RBM26: variants seen among roughly 807,000 people sequenced by gnomAD.
RBM26 encodes the protein RNA-binding protein 26.
RBM26 carries 30 observed loss-of-function variants against 123.6 expected under a neutral mutation model. That is an observed-to-expected ratio of 0.24 (90% CI 0.18 to 0.33). The LOEUF (loss-of-function observed/expected upper bound fraction) is 0.33, where lower values mean the gene tolerates loss of function less well. Ranked by LOEUF, RBM26 falls within the 10% of genes least tolerant of loss-of-function variation. The probability of loss-of-function intolerance (pLI) is 1.00; values close to 1 mark genes in which losing one functional copy is unlikely to be tolerated. For missense variants in RBM26, 947 were observed against 1,203.6 expected, an observed-to-expected ratio of 0.79 and a Z score of 3.15; for synonymous variants, 400 against 404.4, an observed-to-expected ratio of 0.99 and a Z score of 0.13.
chr13:79,334,199 T>C (rs2069917820), intron 20 of RBM26, 145 bp downstream of exon 20: 4 of 518,326 alleles, frequency 7.7e-6, no homozygotes, highest in Middle Eastern at 5.3e-4. Context: ...GGACATTCTT[T>C]GAGGGCATGA....
chr13:79,361,151 T>TCA (rs1364557440), intron 9 of RBM26, among the ~76,000 whole-genome samples: 4 of 152,154 alleles, frequency 2.6e-5, no homozygotes, highest in Non-Finnish European at 4.4e-5. Flanking sequence ...AGTCTATCTT[T>TCA]TATTTTTCTT....
At chr13:79,371,715 A>G (rs1235276179) in intron 4 of RBM26, 127 bp downstream of exon 4, 5 of 655,294 alleles carry the variant, frequency 7.6e-6, no homozygotes, top group South Asian at 3.9e-5. Context: ...GGACCTAGTT[A>G]TATTTTCCTA....
At chr13:79,389,910 G>C (rs2077800532) in intron 1 of RBM26, among the ~76,000 whole-genome samples, 1 of 152,096 alleles carries the variant, frequency 6.6e-6, no homozygotes, top group Non-Finnish European at 1.5e-5. Flanking sequence ...CCACTGGAAA[G>C]AATAGGAATC....
chr13:79,394,335 A>T (rs746174775), intron 1 of RBM26, among the ~76,000 whole-genome samples: 2 of 152,284 alleles, frequency 1.3e-5, no homozygotes, highest in Middle Eastern at 6.8e-3. Flanking sequence ...TTTTTGAGTT[A>T]GCACCCCTTT....
chr13:79,326,020 C>CA (rs1241437737), intron 20 of RBM26, among the ~76,000 whole-genome samples: 1 of 152,134 alleles, frequency 6.6e-6, no homozygotes, highest in African/African-American at 2.4e-5. Context: ...AGCCTAAGAC[C>CA]AACGGGCTAT....
In RBM26 at chr13:79,349,413, A is replaced by G. The variant is rs537783633; in HGVS notation, c.2058+3740T>C. Among the ~76,000 whole-genome samples the G allele has an allele frequency of 6.6e-5, 10 of 152,320 alleles. 1 individual carries two copies. The South Asian group carries it at 1.9e-3, about 28-fold the overall frequency. ...AGTTCAACTTTTTAAGATTCCACATATAAGTGAAATAGACAAAGGGATTAA... is the reference window on the plus strand; with the variant it reads ...AGTTCAACTTTTTAAGATTCCACATGTAAGTGAAATAGACAAAGGGATTAA... On this transcript the variant is annotated intron_variant, in intron 14 of 21. Coordinates refer to ENST00000438737, the MANE Select transcript of RBM26 (RefSeq NM_001366735.2).
At chr13:79,333,982 C>T (rs986896339) in intron 20 of RBM26, among the ~76,000 whole-genome samples, 2 of 152,020 alleles carry the variant, frequency 1.3e-5, no homozygotes, top group African/African-American at 4.8e-5. Flanking sequence ...CCTTATCCCT[C>T]ACCACTCATT....
chr13:79,397,806 C>T (rs766230344), intron 1 of RBM26, among the ~76,000 whole-genome samples: 28 of 149,856 alleles, frequency 1.9e-4, no homozygotes, highest in Admixed American at 1.2e-3. Flanking sequence ...AGAATAAGTA[C>T]ACTTGGTAAA....
chr13:79,371,457 T>C (rs527831666), intron 4 of RBM26, among the ~76,000 whole-genome samples: 2 of 152,252 alleles, frequency 1.3e-5, no homozygotes, highest in East Asian at 3.9e-4. Flanking sequence ...TACTATCCCG[T>C]ACATATAATC....
chr13:79,324,668 G>A (rs138917610), intron 20 of RBM26, among the ~76,000 whole-genome samples: 7 of 150,570 alleles, frequency 4.6e-5, no homozygotes, highest in African/African-American at 7.3e-5. Flanking sequence ...TATGAATATC[G>A]TGCCATACCT....
intron 14 of RBM26, 87 bp from the exon 15 acceptor site, chr13:79,344,881 T>C: frequency 7.8e-7 from 1 of 1,282,482 alleles, no homozygotes; most frequent in Non-Finnish European, 1.1e-6. Context: ...AAAGCACTAC[T>C]GTTAAACTTC....
rs1302999792 is a variant in RBM26 at position 79,378,910 on chromosome 13, A to G, written c.72-3T>C. On this transcript the variant is annotated splice_polypyrimidine_tract_variant and splice_region_variant and intron_variant, in intron 1 of 21. Transcript: ENST00000438737. ...GGGCGGATGGATCTGCATCACAGCT[A>G]AAGAAAAAAACCAATGTTGAAGAAA... The G allele has an allele frequency of 1.9e-6, 3 of 1,570,972 alleles. No homozygotes were observed. The highest frequency in any genetic ancestry group is 1.7e-6 in the Non-Finnish European group (2 of 1,153,592).
chr13:79,323,647 G>A (rs1056867487), intron 20 of RBM26, among the ~76,000 whole-genome samples: 2 of 151,472 alleles, frequency 1.3e-5, no homozygotes, highest in African/African-American at 4.8e-5. Context: ...CACCTAAAAA[G>A]CAAAAGAGTT....
intron 11 of RBM26, among the ~76,000 whole-genome samples, chr13:79,356,610 TATAAAG>T (rs1392575592): frequency 1.3e-5 from 2 of 152,190 alleles, no homozygotes; most frequent in African/African-American, 4.8e-5. Flanking sequence ...TAATTATAAC[TATAAAG>T]ATAATTTTGG....
intron 1 of RBM26, among the ~76,000 whole-genome samples, chr13:79,395,079 G>T (rs768187128): frequency 2.0e-5 from 3 of 152,154 alleles, no homozygotes; most frequent in Admixed American, 6.5e-5. Context: ...CAAAAAAAAG[G>T]CATGCCCCCT....
intron 14 of RBM26, among the ~76,000 whole-genome samples, chr13:79,347,604 G>A (rs2072548531): frequency 6.6e-6 from 1 of 152,082 alleles, no homozygotes; most frequent in African/African-American, 2.4e-5. Context: ...TATTCCAAAT[G>A]CATTTCTATA....
chr13:79,338,099 C>A (rs1362313018), intron 18 of RBM26, among the ~76,000 whole-genome samples: 1 of 152,126 alleles, frequency 6.6e-6, no homozygotes. Context: ...GTAGTCCCAG[C>A]TACTCGGGAG....
intron 10 of RBM26, 47 bp downstream of exon 10, chr13:79,359,528 G>GA (rs1213567961): frequency 4.6e-6 from 4 of 878,464 alleles, no homozygotes; most frequent in Non-Finnish European, 7.3e-6. Flanking sequence ...AAATGATCCT[G>GA]AAAATCAATG....
chr13:79,405,125 G>C (rs998548467), intron 1 of RBM26, among the ~76,000 whole-genome samples: 1 of 152,200 alleles, frequency 6.6e-6, no homozygotes, highest in African/African-American at 2.4e-5. Flanking sequence ...ATTCCATATG[G>C]ATGAAGATTC....
Sources: allele counts gnomAD v4.1 joint callset (sites outside exome capture counted in the v4.1 genomes callset), GRCh38; gene constraint gnomAD v4.1.1; transcripts MANE v1.5; gene names NCBI Gene and HGNC (gene_info 2026-07-23, HGNC 2026-07-21).